The following TYRP1 variants were observed in gnomAD, a reference collection of about 807,000 sequenced individuals.
The protein encoded by TYRP1 is 5,6-dihydroxyindole-2-carboxylic acid oxidase.
TYRP1 carries 49 observed loss-of-function variants against 42.8 expected under a neutral mutation model. That is an observed-to-expected ratio of 1.14 (90% CI 0.91 to 1.45). The LOEUF is 1.45. TYRP1 is among the 40% of genes most tolerant of loss of function. The probability of loss-of-function intolerance (pLI) is 0.00; values close to 1 mark genes in which losing one functional copy is unlikely to be tolerated. For missense variants in TYRP1, 848 were observed against 662.0 expected (o/e 1.28, Z -3.08); for synonymous variants, 279 against 235.4 (o/e 1.19, Z -1.69).
chr9:12,698,341 C>G, intron 3 of TYRP1, 110 bp from the exon 4 acceptor site: 3 of 1,074,052 alleles, frequency 2.8e-6, no homozygotes, highest in Middle Eastern at 2.1e-4. Flanking sequence ...TAACCAGTAC[C>G]TTATTGTCTG....
chr9:12,707,901 G>T (rs568782212), intron 6 of TYRP1, 96 bp from the exon 7 acceptor site: 2 of 1,248,798 alleles, frequency 1.6e-6, no homozygotes, highest in South Asian at 1.5e-5. Flanking sequence ...AATTTTTTCA[G>T]GTTCTCCTTG....
chr9:12,703,449 TG>T (rs1818206301), intron 5 of TYRP1, among the ~76,000 whole-genome samples: 2 of 151,982 alleles, frequency 1.3e-5, no homozygotes, highest in Non-Finnish European at 2.9e-5. Flanking sequence ...TTGGCTAATC[TG>T]TAAACTAAGG....
rs781409342 is a variant in TYRP1, at chr9:12,710,129, C to CTATT, written c.*949_*952dup. 2.0e-5 allele frequency: 3 copies of CTATT among 151,576 alleles called. No homozygotes were observed. Among genetic ancestry groups the CTATT allele is most frequent in the East Asian group, 3.9e-4 (2 of 5,156 alleles). The allele number at this position is 151,576 out of a possible 1,614,324, so 9.4% of individuals were successfully genotyped here. The stretch of plus-strand genomic sequence containing the variant: ...TTTTTTATCTGGTTCTATATGAATG[C>CTATT]TATTTTTTCCCTTCTCTTCTAACAT... On this transcript the variant is annotated 3_prime_UTR_variant, in exon 8 of 8. Transcript: ENST00000388918.
chr9:12,699,501 A>G (rs1818131643), intron 4 of TYRP1, among the ~76,000 whole-genome samples: 1 of 149,024 alleles, frequency 6.7e-6, no homozygotes. Context: ...ATCACCACAT[A>G]CTTATTCTAC....
intron 5 of TYRP1, 101 bp from the exon 6 acceptor site, chr9:12,704,425 G>C: frequency 7.3e-7 from 1 of 1,367,930 alleles, no homozygotes; most frequent in Non-Finnish European, 1.0e-6. Flanking sequence ...TTGGCCTGAC[G>C]AGCCTTGAAA....
At position 12,702,255 on chromosome 9, in the gene TYRP1, C is replaced by A. The variant is rs768319932; in HGVS notation, c.914-16C>A. The A allele has an allele frequency of 1.2e-6, 2 of 1,612,490 alleles. No homozygotes were observed. The highest frequency in any genetic ancestry group is 2.2e-5 in the South Asian group (2 of 91,054). On this transcript the variant is annotated splice_polypyrimidine_tract_variant and intron_variant, in intron 4 of 7. Coordinates refer to ENST00000388918, the MANE Select transcript of TYRP1 (RefSeq NM_000550.3). Reference sequence around the variant, plus strand: ...AACATTGTGTAAATGTTTCCACATCCCATTTTTTTCTGCAGGCACCGAGGA... The same window carrying A: ...AACATTGTGTAAATGTTTCCACATCACATTTTTTTCTGCAGGCACCGAGGA...
Position 12,708,858 on chromosome 9 carries a change from A to G in TYRP1, c.1409-119A>G, listed in dbSNP as rs555679115. 6.2e-6 allele frequency: 6 copies of G among 974,030 alleles called. No homozygotes were observed. In the South Asian group the frequency reaches 7.0e-5, roughly 11 times the overall value. The allele number at this position is 974,030 out of a possible 1,614,324, so 60.3% of individuals were successfully genotyped here. A position where few individuals can be genotyped will look rare whatever the true frequency, so the allele number is the denominator to read the frequency against. The stretch of plus-strand genomic sequence containing the variant: ...AAGTGGCTTCAAGGCCATGTGGCCA[A>G]TGTAAATTAAATATGAGGATTTCTG... On this transcript the variant is annotated intron_variant, in intron 7 of 7. Coordinates refer to ENST00000388918, the MANE Select transcript of TYRP1 (RefSeq NM_000550.3).
intron 6 of TYRP1, 23 bp from the exon 7 acceptor site, chr9:12,707,974 A>G (rs772447855): frequency 1.9e-5 from 30 of 1,596,714 alleles, no homozygotes; most frequent in Non-Finnish European, 2.5e-5. Flanking sequence ...GTTTATTAAT[A>G]CGTTGTCTTT....
chr9:12,708,726 G>C (rs1227034622), intron 7 of TYRP1, among the ~76,000 whole-genome samples: 5 of 151,876 alleles, frequency 3.3e-5, no homozygotes, highest in Admixed American at 3.3e-4. Flanking sequence ...CAAGTGACCT[G>C]GGTAAGTGAC....
Position 12,704,627 on chromosome 9 carries a change from C to A in TYRP1, c.1183C>A (p.Pro395Thr). The A allele has an allele frequency of 1.9e-6, 3 of 1,613,094 alleles. No homozygotes were observed. The highest frequency in any genetic ancestry group is 2.5e-6 in the Non-Finnish European group (3 of 1,179,420). Residue 395 changes from proline to threonine, a missense_variant, in exon 6 of 8, where the codon CCA (proline) becomes ACA (threonine). Coordinates refer to ENST00000388918, the MANE Select transcript of TYRP1 (RefSeq NM_000550.3). ...NGTGGQTHLS[P>T]NDPIFVLLHT... ...AACAGGGGGACAAACCCATTTGTCTCCAAATGATCCTATTTTTGTCCTCCT... is the reference window on the plus strand; with the variant it reads ...AACAGGGGGACAAACCCATTTGTCTACAAATGATCCTATTTTTGTCCTCCT...
chr9:12,695,452 G>A (rs897519629), intron 2 of TYRP1, 63 bp from the exon 3 acceptor site: 12 of 1,454,598 alleles, frequency 8.2e-6, no homozygotes, highest in East Asian at 6.8e-5. Flanking sequence ...AGATGATTAT[G>A]CTCTTTCTCT....
rs1193354259 is a variant in TYRP1 at position 12,710,247 on chromosome 9, G to T, written c.*1065G>T. The T allele has an allele frequency of 8.4e-6, 1 of 119,588 alleles. No individual in the cohort carries two copies. Among genetic ancestry groups the T allele is most frequent in the Non-Finnish European group, 2.1e-5 (1 of 46,834 alleles). 7.4% of individuals were successfully genotyped at this position (119,588 alleles called of 1,614,324 possible). On this transcript the variant is annotated 3_prime_UTR_variant, in exon 8 of 8. Coordinates refer to ENST00000388918, the MANE Select transcript of TYRP1 (RefSeq NM_000550.3). Reference sequence around the variant, plus strand: ...ATAAGTGAATATTTTAATTAAAATTGGTAAAAATAAATAATAACAGTAATA... The same window carrying T: ...ATAAGTGAATATTTTAATTAAAATTTGTAAAAATAAATAATAACAGTAATA...
At chr9:12,701,477 A>G (rs759681214) in intron 4 of TYRP1, among the ~76,000 whole-genome samples, 45 of 151,976 alleles carry the variant, frequency 3.0e-4, no homozygotes, top group Non-Finnish European at 5.3e-4. Context: ...TAGACAGAAG[A>G]AAGTGTATCA....
chr9:12,698,259 C>G (rs1818108312), intron 3 of TYRP1, among the ~76,000 whole-genome samples, 192 bp from the exon 4 acceptor site: 1 of 152,042 alleles, frequency 6.6e-6, no homozygotes, highest in African/African-American at 2.4e-5. Flanking sequence ...TAAATGACAC[C>G]TTGTAATAAA....
At chr9:12,696,676 G>A (rs1193979882) in intron 3 of TYRP1, among the ~76,000 whole-genome samples, 4 of 151,500 alleles carry the variant, frequency 2.6e-5, no homozygotes, top group African/African-American at 9.8e-5. Flanking sequence ...ACATATTAAA[G>A]TATCTAGTTA....
In TYRP1 at chr9:12,694,154, CAG is replaced by C. The variant is rs781088855; in HGVS notation, c.160_161del (p.Asp54ProfsTer12). On this transcript the variant is annotated frameshift_variant, in exon 2 of 8. Coordinates refer to ENST00000388918, the MANE Select transcript of TYRP1 (RefSeq NM_000550.3). LOFTEE classifies it high-confidence loss of function. ...CTGTCCCCTGTGTCTGGGCCTGGGA[CAG>C]ACCGCTGTGGCTCATCATCAGGGAG... The C allele has an allele frequency of 6.2e-7, 1 of 1,614,074 alleles. No homozygotes were observed. The highest frequency in any genetic ancestry group is 2.2e-5 in the East Asian group (1 of 44,834).
Position 12,709,188 on chromosome 9 carries a change from G to GCCCTACTCTCTTAT in TYRP1, c.*7_*20dup, listed in dbSNP as rs758721033. The stretch of plus-strand genomic sequence containing the variant: ...CTAATCAGTCTGTGGTCTAACAAAT[G>GCCCTACTCTCTTAT]CCCTACTCTCTTATGCATTAGTATC... On this transcript the variant is annotated 3_prime_UTR_variant, in exon 8 of 8. Transcript: ENST00000388918. 1 of 1,611,668 alleles carries GCCCTACTCTCTTAT rather than the reference G, an allele frequency of 6.2e-7. No homozygotes were observed. Among genetic ancestry groups the GCCCTACTCTCTTAT allele is most frequent in the African/African-American group, 1.3e-5 (1 of 74,916 alleles).
Position 12,695,627 on chromosome 9 carries a change from A to G in TYRP1, c.498A>G (p.Ser166=). The G allele has an allele frequency of 6.2e-7, 1 of 1,614,230 alleles. No homozygotes were observed. The highest frequency in any genetic ancestry group is 8.5e-7 in the Non-Finnish European group (1 of 1,180,034). ...HPLFVIATRR[S]EEILGPDGNT... The stretch of plus-strand genomic sequence containing the variant: ...TATTTGTCATTGCCACCAGGAGATC[A>G]GAAGAAATACTGGGGCCAGATGGCA... Residue 166 remains serine, a synonymous_variant, in exon 3 of 8, where the codon TCA becomes TCG. Coordinates refer to ENST00000388918, the MANE Select transcript of TYRP1 (RefSeq NM_000550.3).
In TYRP1 at chr9:12,710,254, A is replaced by G. The variant is rs1818338696; in HGVS notation, c.*1072A>G. 9.6e-6 allele frequency: 1 copy of G among 104,136 alleles called. No homozygotes were observed. Among genetic ancestry groups the G allele is most frequent in the Non-Finnish European group, 2.9e-5 (1 of 34,864 alleles). 6.5% of individuals were successfully genotyped at this position (104,136 alleles called of 1,614,324 possible). A position where few individuals can be genotyped will look rare whatever the true frequency, so the allele number is the denominator to read the frequency against. The stretch of plus-strand genomic sequence containing the variant: ...AATATTTTAATTAAAATTGGTAAAA[A>G]TAAATAATAACAGTAATAATCATGC... On this transcript the variant is annotated 3_prime_UTR_variant, in exon 8 of 8. Coordinates refer to ENST00000388918, the MANE Select transcript of TYRP1 (RefSeq NM_000550.3).
Sources: allele counts gnomAD v4.1 joint callset (sites outside exome capture counted in the v4.1 genomes callset), GRCh38; gene constraint gnomAD v4.1.1; transcripts MANE v1.5; gene names NCBI Gene and HGNC (gene_info 2026-07-23, HGNC 2026-07-21).